Variants in MYO16 observed in about 807,000 individuals in gnomAD.
MYO16 encodes unconventional myosin-XVI.
A neutral mutation model predicts 205.3 loss-of-function variants in MYO16; 94 were observed. The observed-to-expected ratio is 0.46, with a 90% CI of 0.39 to 0.54. The LOEUF (loss-of-function observed/expected upper bound fraction) is 0.54, where lower values mean the gene tolerates loss of function less well. Among genes scored for constraint, MYO16 ranks in the 20% least tolerant of loss-of-function variants. MYO16 has a pLI of 0.00. For missense variants in MYO16, 2,315 were observed against 2,387.5 expected (o/e 0.97, Z 0.63); for synonymous variants, 988 against 954.0 (o/e 1.04, Z -0.66).
At chr13:108,853,188 G>A (rs950587250) in intron 10 of MYO16, among the ~76,000 whole-genome samples, 5 of 152,198 alleles carry the variant, frequency 3.3e-5, no homozygotes, top group African/African-American at 1.2e-4. Context: ...AGCGCTCGGT[G>A]CCTATGAGAC....
At chr13:109,051,847 G>T (rs764362117) in intron 24 of MYO16, among the ~76,000 whole-genome samples, 14 of 152,044 alleles carry the variant, frequency 9.2e-5, no homozygotes, top group Non-Finnish European at 1.5e-4. Context: ...AGTAAGGCAG[G>T]TCCTCTCACA....
rs1876768270 is a variant in MYO16, at chr13:109,136,192, C to G, written c.4052-4072C>G. On this transcript the variant is annotated intron_variant, in intron 31 of 34. Coordinates refer to ENST00000457511, the MANE Select transcript of MYO16 (RefSeq NM_001198950.3). The stretch of plus-strand genomic sequence containing the variant: ...CTCCGCAACCTCCACCTCCCAGGAT[C>G]AAGTGATTCTCCTGCCTCAGCCTCC... Among the ~76,000 whole-genome samples, 3 of 152,002 alleles carry G rather than the reference C, an allele frequency of 2.0e-5. No homozygotes were observed. In the South Asian group the frequency reaches 6.2e-4, roughly 32 times the overall value.
intron 22 of MYO16, among the ~76,000 whole-genome samples, chr13:109,013,318 A>G (rs1233796924): frequency 1.3e-5 from 2 of 152,092 alleles, no homozygotes; most frequent in Non-Finnish European, 2.9e-5. Context: ...ATGGCTGCAT[A>G]GTATTCCATG....
intron 9 of MYO16, 129 bp from the exon 10 acceptor site, chr13:108,844,214 G>T: frequency 1.6e-6 from 1 of 626,264 alleles, no homozygotes; most frequent in Non-Finnish European, 2.4e-6. Flanking sequence ...TTTTTTTCCT[G>T]CAGTTTATAA....
intron 24 of MYO16, among the ~76,000 whole-genome samples, chr13:109,049,897 C>A (rs1005735461): frequency 3.3e-5 from 5 of 149,444 alleles, no homozygotes; most frequent in African/African-American, 9.9e-5. Context: ...CTCTTTCCAT[C>A]TTTTGTTCTC....
intron 34 of MYO16, among the ~76,000 whole-genome samples, chr13:109,190,388 T>TA (rs753070977): frequency 3.2e-4 from 48 of 152,344 alleles, no homozygotes; most frequent in Non-Finnish European, 6.5e-4. Context: ...CAGTGACATA[T>TA]AATCAGTCAG....
At chr13:109,146,925 T>C (rs1877363956) in intron 32 of MYO16, among the ~76,000 whole-genome samples, 1 of 151,702 alleles carries the variant, frequency 6.6e-6, no homozygotes, top group Non-Finnish European at 1.5e-5. Flanking sequence ...ATAAATATTT[T>C]ATCATAGATG....
At chr13:108,828,121 A>G (rs1185517313) in intron 9 of MYO16, among the ~76,000 whole-genome samples, 2 of 152,204 alleles carry the variant, frequency 1.3e-5, no homozygotes, top group Non-Finnish European at 2.9e-5. Context: ...CAACACCTGG[A>G]CGCATGTCCT....
rs558542188 is a variant in MYO16 at position 109,199,846 on chromosome 13, T to A, written c.5416-6763T>A. Among the ~76,000 whole-genome samples, 4 of 152,348 alleles carry A rather than the reference T, an allele frequency of 2.6e-5. No individual in the cohort carries two copies. In the East Asian group the frequency reaches 5.8e-4, roughly 22 times the overall value. On this transcript the variant is annotated intron_variant, in intron 34 of 34. Transcript: ENST00000457511. Reference sequence around the variant, plus strand: ...AAGGAAGCCATGAGTGTTTTTGTTGTTACCAGTAGTACATAAAGTTTAAAG... The same window carrying A: ...AAGGAAGCCATGAGTGTTTTTGTTGATACCAGTAGTACATAAAGTTTAAAG...
intron 4 of MYO16, among the ~76,000 whole-genome samples, chr13:108,780,209 G>A (rs552259902): frequency 6.6e-6 from 1 of 152,040 alleles, no homozygotes; most frequent in Non-Finnish European, 1.5e-5. Flanking sequence ...AAATTTAGAA[G>A]AAAAATGAAG....
At chr13:108,554,390 A>G in the MYO16 span, among the ~76,000 whole-genome samples, 1 of 152,092 alleles carries the variant, frequency 6.6e-6, no homozygotes, top group East Asian at 1.9e-4. Context: ...TTTCCCTTGA[A>G]TTACTACCTT....
Position 109,046,941 on chromosome 13 carries a change from T to A in MYO16, c.2822T>A (p.Ile941Asn). ...GTAATGTATGATGTTGTTGGGGCGA[T>A]TGAAAAAAATAAAGACTCCCTTTCA... ...GRVMYDVVGAIEKNKDSLSQN... is the reference protein window; with the variant it reads ...GRVMYDVVGANEKNKDSLSQN... Residue 941 changes from isoleucine to asparagine, a missense_variant, in exon 24 of 35, where the codon ATT becomes AAT. Coordinates refer to ENST00000457511, the MANE Select transcript of MYO16 (RefSeq NM_001198950.3). 6.2e-7 allele frequency: 1 copy of A among 1,611,804 alleles called. No individual in the cohort carries two copies. Among genetic ancestry groups the A allele is most frequent in the South Asian group, 1.1e-5 (1 of 91,032 alleles).
chr13:108,609,076 T>G (rs1879072745), intron 1 of MYO16, among the ~76,000 whole-genome samples: 1 of 152,224 alleles, frequency 6.6e-6, no homozygotes, highest in African/African-American at 2.4e-5. Flanking sequence ...CCTCACTGCC[T>G]TATTTTCCAT....
the MYO16 span, among the ~76,000 whole-genome samples, chr13:108,529,188 A>C: frequency 6.6e-6 from 1 of 152,154 alleles, no homozygotes; most frequent in Non-Finnish European, 1.5e-5. Context: ...TATTGTTAGC[A>C]TAAATATTTT....
intron 33 of MYO16, among the ~76,000 whole-genome samples, chr13:109,178,819 A>G (rs1470593235): frequency 6.6e-6 from 1 of 152,168 alleles, no homozygotes; most frequent in African/African-American, 2.4e-5. Flanking sequence ...CACTGCAAAG[A>G]ATTATACAGG....
chr13:108,832,602 T>C (rs1876684851), intron 9 of MYO16, among the ~76,000 whole-genome samples: 1 of 151,880 alleles, frequency 6.6e-6, no homozygotes, highest in Admixed American at 6.5e-5. Flanking sequence ...AATGTCCCAG[T>C]TGGCACCTTA....
chr13:108,914,700 T>G (rs1881411499), intron 16 of MYO16, among the ~76,000 whole-genome samples: 1 of 152,168 alleles, frequency 6.6e-6, no homozygotes, highest in Admixed American at 6.5e-5. Context: ...TGGAGTGCAG[T>G]GGTGCTATCT....
chr13:108,581,635 C>T, the MYO16 span, among the ~76,000 whole-genome samples: 19 of 151,994 alleles, frequency 1.3e-4, no homozygotes, highest in Non-Finnish European at 7.4e-5. Context: ...CCTGTAATCC[C>T]AGCACTTTGG....
In MYO16 at chr13:108,632,152, A is replaced by G. The variant is rs1160168426; in HGVS notation, c.28+2280A>G. ...GGTTTATTGATAAGGATCATAATTC[A>G]TGGTTTAATGGTTGTTCCTGATGCG... On this transcript the variant is annotated intron_variant, in intron 1 of 34. Coordinates refer to ENST00000457511, the MANE Select transcript of MYO16 (RefSeq NM_001198950.3). Among the ~76,000 whole-genome samples the G allele has an allele frequency of 3.3e-5, 5 of 151,152 alleles. No homozygotes were observed. In the East Asian group the frequency reaches 9.8e-4, roughly 29 times the overall value.
Sources: gnomAD v4.1 joint callset for allele counts (sites outside exome capture counted in the v4.1 genomes callset) on GRCh38, gnomAD v4.1.1 for gene constraint, MANE v1.5 for transcripts, NCBI Gene and HGNC (gene_info 2026-07-23, HGNC 2026-07-21) for gene names.